ACYP2: variants seen among roughly 807,000 people sequenced by gnomAD.
ACYP2 encodes acylphosphatase 2.
A neutral mutation model predicts 11.2 loss-of-function variants in ACYP2; 12 were observed. The observed-to-expected ratio is 1.08, with a 90% CI of 0.69 to 1.74. ACYP2 has a LOEUF of 1.74. ACYP2 is among the 40% of genes most tolerant of loss of function. The pLI, the probability that ACYP2 is intolerant of heterozygous loss-of-function variation, is 0.00. For missense variants in ACYP2, 134 were observed against 101.9 expected (o/e 1.31, Z -1.35); for synonymous variants, 43 against 32.2 (o/e 1.33, Z -1.13).
intron 4 of ACYP2, among the ~76,000 whole-genome samples, chr2:54,126,746 G>C (rs1680533190): frequency 1.3e-5 from 2 of 152,064 alleles, no homozygotes; most frequent in Admixed American, 6.5e-5. Context: ...TCAGGAGTTT[G>C]AGACCAGCCT....
At chr2:54,181,800 T>C (rs1683742582) in intron 6 of ACYP2, among the ~76,000 whole-genome samples, 1 of 152,152 alleles carries the variant, frequency 6.6e-6, no homozygotes, top group Non-Finnish European at 1.5e-5. Flanking sequence ...CAAAGCCATT[T>C]CTGTCCACTG....
At chr2:54,184,613 T>C (rs866851069) in intron 6 of ACYP2, among the ~76,000 whole-genome samples, 7 of 151,998 alleles carry the variant, frequency 4.6e-5, no homozygotes, top group Middle Eastern at 6.8e-3. Context: ...ATATCTAGAA[T>C]TAAATAAACA....
intron 6 of ACYP2, among the ~76,000 whole-genome samples, chr2:54,165,533 TCTCACACACACACA>T (rs1260772784): frequency 1.6e-5 from 2 of 123,640 alleles, no homozygotes; most frequent in Non-Finnish European, 3.4e-5. Flanking sequence ...TCTCTCTCTC[TCTCACACACACACA>T]CACACACACA....
At chr2:54,179,671 A>G (rs1361906288) in intron 6 of ACYP2, among the ~76,000 whole-genome samples, 7 of 152,144 alleles carry the variant, frequency 4.6e-5, no homozygotes, top group Admixed American at 3.3e-4. Context: ...GAGTGCAGCA[A>G]TGAGGATGAC....
intron 4 of ACYP2, among the ~76,000 whole-genome samples, chr2:54,093,926 CGA>C (rs1425528382): frequency 6.7e-6 from 1 of 148,750 alleles, no homozygotes; most frequent in African/African-American, 2.5e-5. Flanking sequence ...GGTGACAGAA[CGA>C]GACTCTGTCT....
rs528096910 is a variant in ACYP2, at chr2:53,980,217, A to T, written c.62+6407A>T. The stretch of plus-strand genomic sequence containing the variant: ...AAAATTTAAAAATTAGCCAGGCGTT[A>T]TGGAATGTGCCTGTAGTCCCAGCTA... On this transcript the variant is annotated intron_variant, in intron 2 of 6. Coordinates refer to ENST00000607452, the MANE Select transcript of ACYP2 (RefSeq NM_001320586.2). 5.9e-5 allele frequency among the ~76,000 whole-genome samples: 9 copies of T among 151,992 alleles called. No individual in the cohort carries two copies. The South Asian group carries it at 1.9e-3, about 32-fold the overall frequency.
chr2:54,180,594 G>A (rs1055848532), intron 6 of ACYP2, among the ~76,000 whole-genome samples: 11 of 151,982 alleles, frequency 7.2e-5, no homozygotes, highest in East Asian at 5.8e-4. Flanking sequence ...TTGCTGTGTC[G>A]CCCAGGCTAA....
chr2:54,119,558 G>A (rs1023534369), intron 4 of ACYP2, among the ~76,000 whole-genome samples: 2 of 152,200 alleles, frequency 1.3e-5, no homozygotes, highest in Non-Finnish European at 2.9e-5. Context: ...ACTATTCCCA[G>A]TGAAAATTGT....
chr2:54,099,383 A>G (rs62137976), intron 4 of ACYP2, among the ~76,000 whole-genome samples: 37,463 of 151,964 alleles, frequency 0.25, 5,209 homozygotes, highest in South Asian at 0.47. Context: ...TTTTGAACTC[A>G]TTTCTTCTGT....
chr2:54,208,193 TAAAAAA>T (rs77750190), intron 6 of ACYP2, among the ~76,000 whole-genome samples: 1 of 142,348 alleles, frequency 7.0e-6, no homozygotes. Flanking sequence ...CAGTTCACAC[TAAAAAA>T]AAAAAAACTT....
intron 6 of ACYP2, among the ~76,000 whole-genome samples, chr2:54,240,428 C>G (rs1464305051): frequency 1.3e-5 from 2 of 152,152 alleles, no homozygotes; most frequent in African/African-American, 4.8e-5. Context: ...AATAGCACAT[C>G]AGACCTTTGT....
intron 2 of ACYP2, among the ~76,000 whole-genome samples, chr2:54,001,340 C>T (rs1288956114): frequency 1.3e-5 from 2 of 152,096 alleles, no homozygotes; most frequent in Admixed American, 6.6e-5. Context: ...CGCTGCACCC[C>T]AGCCTGAACA....
At chr2:54,152,797 T>C (rs556638876) in intron 6 of ACYP2, among the ~76,000 whole-genome samples, 71 of 152,178 alleles carry the variant, frequency 4.7e-4, no homozygotes, top group Non-Finnish European at 8.1e-4. Flanking sequence ...TATTCACTTA[T>C]TGAGAGACAC....
intron 6 of ACYP2, among the ~76,000 whole-genome samples, chr2:54,201,019 T>G (rs1169705165): frequency 6.6e-6 from 1 of 152,218 alleles, no homozygotes; most frequent in Non-Finnish European, 1.5e-5. Flanking sequence ...TTAAAATCCT[T>G]TCATGTGCTT....
chr2:54,158,056 C>T (rs1049137386), intron 6 of ACYP2, among the ~76,000 whole-genome samples: 1 of 151,914 alleles, frequency 6.6e-6, no homozygotes, highest in African/African-American at 2.4e-5. Flanking sequence ...GATGGAGGCT[C>T]ACTCCAGCGC....
intron 6 of ACYP2, among the ~76,000 whole-genome samples, chr2:54,184,531 C>G (rs1683887938): frequency 6.6e-6 from 1 of 151,848 alleles, no homozygotes. Flanking sequence ...AGAAAAAAAT[C>G]CTAAATCATA....
intron 6 of ACYP2, among the ~76,000 whole-genome samples, chr2:54,294,029 T>C (rs17045787): frequency 0.013 from 2,024 of 152,308 alleles, 43 homozygotes; most frequent in African/African-American, 0.046. Context: ...TCACATTAGC[T>C]TTTAATTCAT....
chr2:54,195,794 G>GTTTTTGTTTTTTT (rs1442057879), intron 6 of ACYP2, among the ~76,000 whole-genome samples: 1 of 83,134 alleles, frequency 1.2e-5, no homozygotes, highest in Non-Finnish European at 2.2e-5. Context: ...TTTGTTGTGG[G>GTTTTTGTTTTTTT]TTTTTTTTTT....
intron 2 of ACYP2, among the ~76,000 whole-genome samples, chr2:53,991,264 A>C (rs189709747): frequency 6.6e-6 from 1 of 152,322 alleles, no homozygotes; most frequent in African/African-American, 2.4e-5. Context: ...CTGTTAATGG[A>C]CGTTTTGGTT....
Sources: gnomAD v4.1 joint callset for allele counts (sites outside exome capture counted in the v4.1 genomes callset) on GRCh38, gnomAD v4.1.1 for gene constraint, MANE v1.5 for transcripts, NCBI Gene and HGNC (gene_info 2026-07-23, HGNC 2026-07-21) for gene names.